The following MMP26 variants were observed in gnomAD, a reference collection of about 807,000 sequenced individuals.
MMP26 encodes the protein matrix metalloproteinase-26.
In MMP26, 33 loss-of-function variants were observed where a neutral mutation model predicts 31.0. The observed-to-expected ratio is 1.06, with a 90% CI of 0.81 to 1.42. MMP26 has a LOEUF of 1.42. Among genes scored for constraint, MMP26 ranks in the 40% most tolerant of loss-of-function variants. MMP26 has a pLI of 0.00. For missense variants in MMP26, 347 were observed against 316.1 expected, an observed-to-expected ratio of 1.10 and a Z score of -0.74; for synonymous variants, 122 against 114.9, an observed-to-expected ratio of 1.06 and a Z score of -0.40.
chr11:4,957,679 G>GT lies in MMP26; in HGVS notation c.-144-30380dup, dbSNP rs563742759. ...ATGCTCATTTATCACACACACTTCTGTTTTTTTTTCTTTTTTTTTTGGAGA... is the reference window on the plus strand; with the variant it reads ...ATGCTCATTTATCACACACACTTCTGTTTTTTTTTTCTTTTTTTTTTGGAGA... On this transcript the variant is annotated intron_variant, in intron 2 of 7. Coordinates refer to ENST00000380390, the MANE Select transcript of MMP26 (RefSeq NM_021801.5). 5.7e-4 allele frequency among the ~76,000 whole-genome samples: 85 copies of GT among 148,690 alleles called. 1 individual carries two copies. The South Asian group carries it at 0.01, about 18-fold the overall frequency.
intron 2 of MMP26, among the ~76,000 whole-genome samples, chr11:4,823,514 G>T (rs1053448323): frequency 6.6e-6 from 1 of 152,044 alleles, no homozygotes; most frequent in African/African-American, 2.4e-5. Flanking sequence ...CACAATTTTT[G>T]GTTAGCATCA....
intron 2 of MMP26, among the ~76,000 whole-genome samples, chr11:4,888,720 C>G (rs2133546263): frequency 6.6e-6 from 1 of 152,176 alleles, no homozygotes; most frequent in South Asian, 2.1e-4. Flanking sequence ...AATGATAAGG[C>G]AAAAGAATTC....
At chr11:4,751,310 A>T (rs535292433) in intron 1 of MMP26, among the ~76,000 whole-genome samples, 1 of 152,300 alleles carries the variant, frequency 6.6e-6, no homozygotes, top group East Asian at 1.9e-4. Flanking sequence ...ATAATAATGT[A>T]CACACAGGTG....
At chr11:4,869,315 C>G (rs1214820855) in intron 2 of MMP26, among the ~76,000 whole-genome samples, 2 of 151,996 alleles carry the variant, frequency 1.3e-5, no homozygotes, top group Non-Finnish European at 2.9e-5. Flanking sequence ...TACAATCTAC[C>G]CATCTGACAA....
intron 2 of MMP26, among the ~76,000 whole-genome samples, chr11:4,824,624 T>C (rs1849557016): frequency 6.6e-6 from 1 of 152,144 alleles, no homozygotes; most frequent in Non-Finnish European, 1.5e-5. Flanking sequence ...AATCATGTGG[T>C]AAATTCTCTT....
In MMP26 at chr11:4,991,975, T is replaced by C. The variant is rs1471026199; in HGVS notation, c.607T>C (p.Phe203Leu). Residue 203 changes from phenylalanine to leucine, a missense_variant, in exon 7 of 8, where the codon TTC becomes CTC. Phe to Leu is a conservative substitution (Grantham distance 22, BLOSUM62 0). Transcript: ENST00000380390. ...CTATAATTTTTCAGGATATAATCTG[T>C]TCCTGGTTGCAACTCATGAGATTGG... ...WSASDTGYNLFLVATHEIGHS... is the reference protein window; with the variant it reads ...WSASDTGYNLLLVATHEIGHS... The C allele has an allele frequency of 1.2e-6, 2 of 1,603,636 alleles. No individual in the cohort carries two copies. The highest frequency in any genetic ancestry group is 2.7e-5 in the African/African-American group (2 of 74,202).
chr11:4,759,636 T>G lies in MMP26; in HGVS notation c.-216-7634T>G, dbSNP rs559829081. ...AATTTCTTAAATTTAGAAACTGGCC[T>G]TATTCCTCATTTGTACTAAAAGAGC... On this transcript the variant is annotated intron_variant, in intron 1 of 7. Coordinates refer to ENST00000380390, the MANE Select transcript of MMP26 (RefSeq NM_021801.5). 2.6e-5 allele frequency among the ~76,000 whole-genome samples: 4 copies of G among 152,348 alleles called. No individual in the cohort carries two copies. In the South Asian group the frequency reaches 8.3e-4, roughly 32 times the overall value.
At chr11:4,813,419 T>C (rs1849377687) in intron 2 of MMP26, among the ~76,000 whole-genome samples, 1 of 152,154 alleles carries the variant, frequency 6.6e-6, no homozygotes, top group South Asian at 2.1e-4. Context: ...AGATGGGGTC[T>C]TGCTATGTTG....
At chr11:4,792,015 A>G (rs1849034267) in intron 2 of MMP26, among the ~76,000 whole-genome samples, 1 of 152,028 alleles carries the variant, frequency 6.6e-6, no homozygotes, top group South Asian at 2.1e-4. Context: ...TTTACCTACT[A>G]GCTGTGTAGC....
intron 2 of MMP26, among the ~76,000 whole-genome samples, chr11:4,903,529 G>T (rs949053310): frequency 1.3e-5 from 2 of 152,084 alleles, no homozygotes; most frequent in East Asian, 1.9e-4. Context: ...CAAATCCCAT[G>T]TGTCAAGCTT....
At chr11:4,980,397 G>C (rs1462558766) in intron 2 of MMP26, among the ~76,000 whole-genome samples, 1 of 152,020 alleles carries the variant, frequency 6.6e-6, no homozygotes, top group Non-Finnish European at 1.5e-5. Context: ...ACCCATGTAT[G>C]TTTTCTTTTG....
At chr11:4,862,582 C>T in intron 2 of MMP26, among the ~76,000 whole-genome samples, 1 of 152,098 alleles carries the variant, frequency 6.6e-6, no homozygotes, top group South Asian at 2.1e-4. Context: ...TGTCTTTGTT[C>T]TCACCTAGGT....
intron 2 of MMP26, among the ~76,000 whole-genome samples, chr11:4,777,500 T>G (rs933545037): frequency 6.6e-6 from 1 of 152,180 alleles, no homozygotes; most frequent in African/African-American, 2.4e-5. Context: ...CATCACAGTA[T>G]GCAGATTACA....
chr11:4,723,126 A>T, intron 1 of MMP26: 1 of 1,584,526 alleles, frequency 6.3e-7, no homozygotes, highest in Non-Finnish European at 8.6e-7. Flanking sequence ...TCCAGCTCGG[A>T]CAGCTTGGAG....
intron 1 of MMP26, among the ~76,000 whole-genome samples, chr11:4,739,883 C>T (rs1412088633): frequency 2.0e-5 from 3 of 152,114 alleles, no homozygotes. Context: ...GAAGGGTTGA[C>T]TTAGATAATC....
At chr11:4,742,939 A>C (rs1391072140) in intron 1 of MMP26, among the ~76,000 whole-genome samples, 1 of 152,164 alleles carries the variant, frequency 6.6e-6, no homozygotes, top group African/African-American at 2.4e-5. Context: ...AAAATTAGAG[A>C]GGTTAAATAA....
At chr11:4,934,209 G>A (rs1400396650) in intron 2 of MMP26, among the ~76,000 whole-genome samples, 6 of 148,428 alleles carry the variant, frequency 4.0e-5, no homozygotes, top group South Asian at 2.2e-4. Flanking sequence ...AAGTGTTCCT[G>A]TTTCTCCACA....
intron 2 of MMP26, chr11:4,859,838 A>G: frequency 2.1e-6 from 1 of 471,420 alleles, no homozygotes; most frequent in Non-Finnish European, 4.4e-6. Context: ...TGAGAGAGGC[A>G]TGTGCTGAGG....
chr11:4,977,513 C>A (rs932592939), intron 2 of MMP26, among the ~76,000 whole-genome samples: 1 of 151,992 alleles, frequency 6.6e-6, no homozygotes, highest in African/African-American at 2.4e-5. Flanking sequence ...AAGAAGGACT[C>A]AAATGTGACC....
Sources: gnomAD v4.1 joint callset for allele counts (sites outside exome capture counted in the v4.1 genomes callset) on GRCh38, gnomAD v4.1.1 for gene constraint, MANE v1.5 for transcripts, NCBI Gene and HGNC (gene_info 2026-07-23, HGNC 2026-07-21) for gene names.